The following ANKRD36C variants were observed in gnomAD, a reference collection of about 807,000 sequenced individuals.
ANKRD36C encodes ankyrin repeat domain 36C, also known as ankyrin repeat domain-containing protein 36C.
Under a neutral mutation model 276.4 loss-of-function variants are expected in ANKRD36C, and 61 were observed. The ratio of observed to expected loss-of-function variants is 0.22; its 90% CI spans 0.18 to 0.27. The LOEUF (loss-of-function observed/expected upper bound fraction) is 0.27, where lower values mean the gene tolerates loss of function less well. ANKRD36C is among the 10% of genes least tolerant of loss of function. The pLI, the probability that ANKRD36C is intolerant of heterozygous loss-of-function variation, is 1.00. For missense variants in ANKRD36C, 1,447 were observed against 2,032.3 expected (o/e 0.71, Z 5.54); for synonymous variants, 483 against 680.1 (o/e 0.71, Z 4.51).
chr2:95,926,357 T>C (rs1201105094), intron 28 of ANKRD36C, among the ~76,000 whole-genome samples: 1 of 151,648 alleles, frequency 6.6e-6, no homozygotes, highest in Non-Finnish European at 1.5e-5. Flanking sequence ...ATGAGAATTT[T>C]AAAAGTCAAT....
chr2:95,880,206 AAAAAC>A (rs1225833241), intron 58 of ANKRD36C, among the ~76,000 whole-genome samples: 7 of 152,090 alleles, frequency 4.6e-5, no homozygotes, highest in African/African-American at 1.7e-4. Context: ...AAACAAAACA[AAAAAC>A]AAAACAAAAC....
chr2:95,915,417 T>C (rs1677062805), intron 38 of ANKRD36C, among the ~76,000 whole-genome samples: 1 of 151,562 alleles, frequency 6.6e-6, no homozygotes. Flanking sequence ...ATATTGTTTA[T>C]GGAAATGTTC....
chr2:95,873,144 G>A (rs1329757188), intron 59 of ANKRD36C, among the ~76,000 whole-genome samples: 2 of 152,084 alleles, frequency 1.3e-5, no homozygotes, highest in African/African-American at 2.4e-5. Context: ...AGAAAAAGAG[G>A]GAACCCTCCC....
At chr2:95,975,267 GA>G (rs1678786028) in intron 6 of ANKRD36C, among the ~76,000 whole-genome samples, 2 of 151,966 alleles carry the variant, frequency 1.3e-5, no homozygotes, top group Admixed American at 1.3e-4. Context: ...CACAGAATTG[GA>G]AAAAACTACT....
chr2:95,963,986 TA>T (rs1678526088), intron 6 of ANKRD36C, among the ~76,000 whole-genome samples: 1 of 19,062 alleles, frequency 5.2e-5, no homozygotes, highest in South Asian at 2.0e-3. Flanking sequence ...TATATATATA[TA>T]TATATATATA....
Position 95,876,424 on chromosome 2 carries a change from T to A in ANKRD36C, c.3540+15A>T. The A allele has an allele frequency of 1.3e-6, 2 of 1,564,606 alleles. No homozygotes were observed. The highest frequency in any genetic ancestry group is 8.7e-7 in the Non-Finnish European group (1 of 1,147,466). On this transcript the variant is annotated intron_variant, in intron 59 of 66. Coordinates refer to ENST00000456556, the Ensembl canonical transcript of ANKRD36C. The stretch of plus-strand genomic sequence containing the variant: ...CAAGATTAAACCAGAAATTTGATTT[T>A]AAATTTTTACATACCTGTGGCTGGT...
At position 95,910,726 on chromosome 2, in the gene ANKRD36C, G is replaced by A. The variant is rs549952353; in HGVS notation, c.2653+1518C>T. ...GTCTGGGGACTAGAACATGACAGAAGTACACTGAGAAAAGGGAATACAGGC... is the reference window on the plus strand; with the variant it reads ...GTCTGGGGACTAGAACATGACAGAAATACACTGAGAAAAGGGAATACAGGC... On this transcript the variant is annotated intron_variant, in intron 42 of 66. Coordinates refer to ENST00000456556, the Ensembl canonical transcript of ANKRD36C. 2.1e-4 allele frequency among the ~76,000 whole-genome samples: 32 copies of A among 151,424 alleles called. No individual in the cohort carries two copies. In the South Asian group the frequency reaches 5.6e-3, roughly 27 times the overall value.
At chr2:95,961,403 A>C (rs865953417) in intron 8 of ANKRD36C, among the ~76,000 whole-genome samples, 1 of 152,130 alleles carries the variant, frequency 6.6e-6, no homozygotes, top group South Asian at 2.1e-4. Flanking sequence ...ATACAAAATA[A>C]AGTTACTGTA....
intron 54 of ANKRD36C, among the ~76,000 whole-genome samples, chr2:95,883,378 C>G (rs1244001881): frequency 6.6e-6 from 1 of 152,106 alleles, no homozygotes; most frequent in Non-Finnish European, 1.5e-5. Flanking sequence ...TCATGCTACT[C>G]TCTAAAGCAT....
chr2:95,925,510 A>G lies in ANKRD36C; in HGVS notation c.1968+9T>C. ...AAATAATTCAAAATATAAATGAAAG[A>G]GTAACTACCTTCCAGGCTGATTGTT... is the stretch of plus-strand genomic sequence containing the variant. On this transcript the variant is annotated intron_variant, in intron 29 of 66. Transcript: ENST00000456556. 1.3e-6 allele frequency: 2 copies of G among 1,550,016 alleles called. No homozygotes were observed. Among genetic ancestry groups the G allele is most frequent in the East Asian group, 2.4e-5 (1 of 40,850 alleles).
chr2:95,914,374 G>C (rs1452077016), intron 38 of ANKRD36C, 71 bp from the exon 41 acceptor site: 28 of 1,511,562 alleles, frequency 1.9e-5, no homozygotes, highest in Non-Finnish European at 2.4e-5. Flanking sequence ...TTCATGCAGT[G>C]TTAGCATCAA....
At chr2:95,987,466 A>C (rs1181053638) in intron 1 of ANKRD36C, among the ~76,000 whole-genome samples, 1 of 151,872 alleles carries the variant, frequency 6.6e-6, no homozygotes, top group Non-Finnish European at 1.5e-5. Flanking sequence ...TTTCCTTATC[A>C]ATAAAATATA....
Position 95,991,504 on chromosome 2 carries a change from C to T in ANKRD36C, c.197+8G>A. On this transcript the variant is annotated splice_region_variant and intron_variant, in intron 1 of 66. Transcript: ENST00000456556. ...CCTCCCGCAGCCCCGGCTCCCGGCCCCCATTACCTTTCCTTCCTGTCTCTC... is the reference window on the plus strand; with the variant it reads ...CCTCCCGCAGCCCCGGCTCCCGGCCTCCATTACCTTTCCTTCCTGTCTCTC... The T allele has an allele frequency of 6.3e-7, 1 of 1,587,846 alleles. No individual in the cohort carries two copies. The highest frequency in any genetic ancestry group is 8.6e-7 in the Non-Finnish European group (1 of 1,166,592).
chr2:95,906,699 G>T (rs1197827961), intron 42 of ANKRD36C: 1 of 127,778 alleles, frequency 7.8e-6, no homozygotes, highest in African/African-American at 1.1e-4. Context: ...CTCATCACTT[G>T]TAGCCTGAAT....
intron 61 of ANKRD36C, 90 bp from the exon 82 acceptor site, chr2:95,857,582 A>G (rs896839137): frequency 6.8e-6 from 9 of 1,320,858 alleles, no homozygotes; most frequent in African/African-American, 1.5e-5. Flanking sequence ...TAAGGGGTCC[A>G]GGGAGTCGTG....
At chr2:95,982,352 G>A (rs1323113325) in exon 4 of ANKRD36C, 16 of 1,541,134 alleles carry the variant, frequency 1.0e-5, no homozygotes, top group Admixed American at 2.1e-5. Flanking sequence ...GAACAGTGGC[G>A]GATATTCATC....
intron 6 of ANKRD36C, among the ~76,000 whole-genome samples, chr2:95,971,636 T>A (rs1678700093): frequency 6.6e-6 from 1 of 152,074 alleles, no homozygotes; most frequent in East Asian, 1.9e-4. Flanking sequence ...TAAAAGTACA[T>A]AAAGCAAATA....
chr2:95,867,113 A>C (rs993768611), intron 60 of ANKRD36C, among the ~76,000 whole-genome samples: 1 of 152,194 alleles, frequency 6.6e-6, no homozygotes, highest in African/African-American at 2.4e-5. Flanking sequence ...AATAGTAGAA[A>C]AGACAGTTAG....
At chr2:95,893,838 T>G (rs1676451524) in intron 44 of ANKRD36C, 114 bp from the exon 63 acceptor site, 1 of 1,551,184 alleles carries the variant, frequency 6.4e-7, no homozygotes, top group African/African-American at 1.4e-5. Context: ...AGCGTAGGCT[T>G]TAATGGCTTC....
Sources: gnomAD v4.1 joint callset for allele counts (sites outside exome capture counted in the v4.1 genomes callset) on GRCh38, gnomAD v4.1.1 for gene constraint, MANE v1.5 for transcripts, NCBI Gene and HGNC (gene_info 2026-07-23, HGNC 2026-07-21) for gene names.